The following DNM3 variants were observed in gnomAD, a reference collection of about 807,000 sequenced individuals.
DNM3 encodes the protein dynamin 3, also known as dynamin-3.
A neutral mutation model predicts 101.6 loss-of-function variants in DNM3; 47 were observed. The observed-to-expected ratio is 0.46, with a 90% CI of 0.37 to 0.59. DNM3 has a LOEUF of 0.59. Ranked by LOEUF, DNM3 falls within the 20% of genes least tolerant of loss-of-function variation. The probability of loss-of-function intolerance (pLI) is 0.00; values close to 1 mark genes in which losing one functional copy is unlikely to be tolerated. For synonymous variants in DNM3, 385 were observed against 387.9 expected (o/e 0.99, Z 0.09); for missense variants, 849 against 1,085.7 (o/e 0.78, Z 3.06).
chr1:172,266,949 A>C (rs2062882944), intron 15 of DNM3, among the ~76,000 whole-genome samples: 1 of 152,238 alleles, frequency 6.6e-6, no homozygotes, highest in African/African-American at 2.4e-5. Context: ...CCCACTAGAT[A>C]TGAGACCAAT....
intron 4 of DNM3, among the ~76,000 whole-genome samples, chr1:172,026,172 A>C (rs1043476583): frequency 1.3e-5 from 2 of 152,128 alleles, no homozygotes; most frequent in African/African-American, 4.8e-5. Flanking sequence ...CACAAGTATC[A>C]ATAGCCAAAT....
intron 13 of DNM3, among the ~76,000 whole-genome samples, chr1:172,112,525 G>T (rs2147954861): frequency 6.6e-6 from 1 of 152,306 alleles, no homozygotes; most frequent in Non-Finnish European, 1.5e-5. Context: ...TTTCATCACA[G>T]TGACCCTGGC....
At chr1:172,074,319 A>G (rs1372598564) in intron 11 of DNM3, among the ~76,000 whole-genome samples, 2 of 151,866 alleles carry the variant, frequency 1.3e-5, no homozygotes, top group Non-Finnish European at 2.9e-5. Flanking sequence ...TATTATTATT[A>G]TTTAAATTTA....
At chr1:172,176,329 TC>T (rs1486938082) in intron 14 of DNM3, among the ~76,000 whole-genome samples, 1 of 151,850 alleles carries the variant, frequency 6.6e-6, no homozygotes, top group African/African-American at 2.4e-5. Context: ...GGAAACATTT[TC>T]CCCTAGAGCT....
chr1:172,144,507 C>T (rs773102861), intron 14 of DNM3: 7 of 431,146 alleles, frequency 1.6e-5, no homozygotes, highest in Non-Finnish European at 3.3e-5. Flanking sequence ...TGGAAACAGC[C>T]CATTTTGTCC....
intron 12 of DNM3, among the ~76,000 whole-genome samples, chr1:172,083,089 C>T (rs754485340): frequency 3.3e-5 from 5 of 152,222 alleles, no homozygotes; most frequent in Non-Finnish European, 7.3e-5. Context: ...GCATTTCGCA[C>T]AGACTTGCCC....
At chr1:171,935,965 G>T (rs549273548) in intron 2 of DNM3, among the ~76,000 whole-genome samples, 4 of 150,970 alleles carry the variant, frequency 2.6e-5, no homozygotes, top group Admixed American at 2.0e-4. Context: ...TTACAGTGTT[G>T]CTAATTTAAG....
chr1:172,094,066 G>A (rs2054091137), intron 13 of DNM3, among the ~76,000 whole-genome samples: 1 of 152,008 alleles, frequency 6.6e-6, no homozygotes, highest in Admixed American at 6.6e-5. Flanking sequence ...GTCCTTTTAT[G>A]CTATGTTGTT....
intron 17 of DNM3, among the ~76,000 whole-genome samples, chr1:172,366,217 C>A (rs1417720093): frequency 6.6e-6 from 1 of 151,804 alleles, no homozygotes; most frequent in African/African-American, 2.4e-5. Flanking sequence ...CAGAGCGAGG[C>A]CCTTTTTCTA....
chr1:171,924,237 T>TC (rs1352965027), intron 2 of DNM3, among the ~76,000 whole-genome samples: 1 of 152,190 alleles, frequency 6.6e-6, no homozygotes, highest in Non-Finnish European at 1.5e-5. Context: ...CTATTTTTAG[T>TC]CCTTTGAGAA....
intron 11 of DNM3, among the ~76,000 whole-genome samples, chr1:172,077,149 G>A (rs916294368): frequency 5.9e-5 from 9 of 151,982 alleles, no homozygotes; most frequent in African/African-American, 9.7e-5. Context: ...TTTCTTTGCC[G>A]TCAAAGGTGA....
chr1:171,949,909 C>T (rs1163903443), intron 2 of DNM3, among the ~76,000 whole-genome samples: 1 of 152,134 alleles, frequency 6.6e-6, no homozygotes, highest in Non-Finnish European at 1.5e-5. Flanking sequence ...ATGACCCAGC[C>T]AATCCACTCC....
intron 17 of DNM3, 108 bp from the exon 18 acceptor site, chr1:172,378,910 T>A (rs568047883): frequency 7.9e-7 from 1 of 1,267,524 alleles, no homozygotes; most frequent in African/African-American, 1.5e-5. Flanking sequence ...TCTACTGATA[T>A]AAACTCCAAC....
intron 17 of DNM3, among the ~76,000 whole-genome samples, chr1:172,364,893 A>G (rs1190053921): frequency 6.6e-6 from 1 of 151,826 alleles, no homozygotes; most frequent in Non-Finnish European, 1.5e-5. Flanking sequence ...ACCTTCCACC[A>G]TGATTGTAAG....
intron 17 of DNM3, among the ~76,000 whole-genome samples, chr1:172,328,865 A>G (rs1280045381): frequency 6.6e-6 from 1 of 152,166 alleles, no homozygotes; most frequent in Non-Finnish European, 1.5e-5. Context: ...TTACTTTTAG[A>G]GACAGGGTCT....
intron 14 of DNM3, among the ~76,000 whole-genome samples, chr1:172,245,692 G>C (rs2061924457): frequency 6.6e-6 from 1 of 152,206 alleles, no homozygotes. Flanking sequence ...GCTCCATGTA[G>C]AGCACCTGAA....
intron 17 of DNM3, among the ~76,000 whole-genome samples, chr1:172,344,945 G>T (rs115938451): frequency 1.1e-4 from 16 of 152,094 alleles, no homozygotes; most frequent in Non-Finnish European, 1.6e-4. Context: ...TCTATTAATT[G>T]TATTCCATTA....
intron 6 of DNM3, among the ~76,000 whole-genome samples, chr1:172,033,755 A>T (rs866519633): frequency 6.6e-6 from 1 of 152,234 alleles, no homozygotes; most frequent in Non-Finnish European, 1.5e-5. Context: ...ATTTCCACTC[A>T]TCTAAGATGC....
intron 14 of DNM3, 66 bp from the exon 15 acceptor site, chr1:172,253,506 TC>T: frequency 3.4e-6 from 2 of 586,362 alleles, no homozygotes; most frequent in Non-Finnish European, 5.3e-6. Flanking sequence ...TCTCCTCTCC[TC>T]TCCTCTCCTC....
Sources: allele counts gnomAD v4.1 joint callset (sites outside exome capture counted in the v4.1 genomes callset), GRCh38; gene constraint gnomAD v4.1.1; transcripts MANE v1.5; gene names NCBI Gene and HGNC (gene_info 2026-07-23, HGNC 2026-07-21).